GLYATL2: variants seen among roughly 807,000 people sequenced by gnomAD.
GLYATL2 encodes the protein glycine-N-acyltransferase like 2.
A neutral mutation model predicts 21.4 loss-of-function variants in GLYATL2; 25 were observed. That is an observed-to-expected ratio of 1.17 (90% confidence interval 0.85 to 1.63). The LOEUF (loss-of-function observed/expected upper bound fraction) is 1.63, where lower values mean the gene tolerates loss of function less well. GLYATL2 is among the 40% of genes most tolerant of loss of function. The probability of loss-of-function intolerance (pLI) is 0.00; values close to 1 mark genes in which losing one functional copy is unlikely to be tolerated. For missense variants in GLYATL2, 361 were observed against 343.3 expected, an observed-to-expected ratio of 1.05 and a Z score of -0.41; for synonymous variants, 114 against 118.2, an observed-to-expected ratio of 0.96 and a Z score of 0.23.
intron 1 of GLYATL2, among the ~76,000 whole-genome samples, chr11:58,880,046 G>A (rs1854305429): frequency 6.6e-6 from 1 of 151,964 alleles, no homozygotes; most frequent in African/African-American, 2.4e-5. Flanking sequence ...TTTTAGTAGA[G>A]ACGGGGTTTC....
At chr11:58,873,586 GT>G (rs1262091691) in intron 1 of GLYATL2, among the ~76,000 whole-genome samples, 1 of 152,102 alleles carries the variant, frequency 6.6e-6, no homozygotes, top group African/African-American at 2.4e-5. Flanking sequence ...ACTGGATTAC[GT>G]TTATTGATTT....
At chr11:58,905,851 T>C (rs1431815519), upstream of GLYATL2, among the ~76,000 whole-genome samples, 2 of 152,352 alleles carry the variant, frequency 1.3e-5, no homozygotes, top group East Asian at 3.9e-4. Context: ...TCAATCACTG[T>C]CTGGAGTGAT....
At chr11:58,843,172 A>T (rs1034117303) in intron 1 of GLYATL2, among the ~76,000 whole-genome samples, 2 of 152,192 alleles carry the variant, frequency 1.3e-5, no homozygotes, top group Non-Finnish European at 2.9e-5. Context: ...AGGGTTAGAA[A>T]AAAAGAGCAG....
intron 1 of GLYATL2, chr11:58,893,183 T>C (rs1350600144): frequency 5.6e-6 from 2 of 354,104 alleles, no homozygotes; most frequent in Non-Finnish European, 1.1e-5. Context: ...GCCTGTATCC[T>C]GGGTCCACAG....
At chr11:58,901,111 G>C (rs1177767077) in intron 1 of GLYATL2, among the ~76,000 whole-genome samples, 1 of 152,206 alleles carries the variant, frequency 6.6e-6, no homozygotes, top group Non-Finnish European at 1.5e-5. Flanking sequence ...AAAGGGGGCT[G>C]CCTGCGCGGA....
intron 5 of GLYATL2, 44 bp from the exon 6 acceptor site, chr11:58,834,881 A>C (rs1853400863): frequency 7.0e-7 from 1 of 1,423,612 alleles, no homozygotes. Flanking sequence ...CAATATTACC[A>C]AACACTGGAA....
chr11:58,879,159 T>C (rs1854288972), intron 1 of GLYATL2, among the ~76,000 whole-genome samples: 1 of 117,190 alleles, frequency 8.5e-6, no homozygotes, highest in African/African-American at 3.4e-5. Context: ...CATCTTTAAC[T>C]ATGGTTCCAG....
rs1853381537 is a variant in GLYATL2, at chr11:58,834,168, C to T, written c.*261G>A. 3.2e-6 allele frequency: 1 copy of T among 312,366 alleles called. No individual in the cohort carries two copies. Among genetic ancestry groups the T allele is most frequent in the African/African-American group, 2.1e-5 (1 of 46,710 alleles). The allele number at this position is 312,366 out of a possible 1,614,324, so 19.3% of individuals were successfully genotyped here. A position where few individuals can be genotyped will look rare whatever the true frequency, so the allele number is the denominator to read the frequency against. The stretch of plus-strand genomic sequence containing the variant: ...GAAAGTGTTGCCGTTAAAGGGTTAT[C>T]TTGGCACTAATGATTGGCTTTGGGT... On this transcript the variant is annotated 3_prime_UTR_variant, in exon 6 of 6. Transcript: ENST00000287275.
At chr11:58,837,689 A>C (rs1853464650) in intron 3 of GLYATL2, among the ~76,000 whole-genome samples, 1 of 152,200 alleles carries the variant, frequency 6.6e-6, no homozygotes, top group Non-Finnish European at 1.5e-5. Context: ...TTAAAAGTGA[A>C]GGTGCCTAAG....
At chr11:58,861,995 C>T (rs1164457564) in intron 1 of GLYATL2, among the ~76,000 whole-genome samples, 3 of 152,050 alleles carry the variant, frequency 2.0e-5, no homozygotes, top group South Asian at 4.1e-4. Context: ...GATAAACTCC[C>T]TCAATTTTTG....
intron 1 of GLYATL2, among the ~76,000 whole-genome samples, chr11:58,882,391 G>T (rs1172270357): frequency 6.6e-6 from 1 of 152,160 alleles, no homozygotes; most frequent in Non-Finnish European, 1.5e-5. Flanking sequence ...TTTGAGAAGT[G>T]TCTGTTCATA....
chr11:58,903,848 G>T (rs1024910485), intron 1 of GLYATL2, among the ~76,000 whole-genome samples: 10 of 152,130 alleles, frequency 6.6e-5, no homozygotes, highest in African/African-American at 2.4e-4. Context: ...TCACCCGCAT[G>T]TGTTGAGTGT....
upstream of GLYATL2, among the ~76,000 whole-genome samples, chr11:58,849,380 A>G (rs1245623226): frequency 6.6e-6 from 1 of 152,172 alleles, no homozygotes; most frequent in Non-Finnish European, 1.5e-5. Context: ...TTGGCCTCCC[A>G]AAGTGCTAGG....
At chr11:58,868,333 C>T (rs946621242) in intron 1 of GLYATL2, among the ~76,000 whole-genome samples, 4 of 148,684 alleles carry the variant, frequency 2.7e-5, no homozygotes, top group South Asian at 2.2e-4. Flanking sequence ...ATCAAAGAAT[C>T]GAAACTCACC....
At chr11:58,843,746 A>G (rs549754832) in intron 1 of GLYATL2, among the ~76,000 whole-genome samples, 1 of 152,276 alleles carries the variant, frequency 6.6e-6, no homozygotes, top group South Asian at 2.1e-4. Context: ...TAAAAATAGG[A>G]GATTGGGATC....
chr11:58,880,957 A>G lies in GLYATL2; in HGVS notation n.60+23199T>C, dbSNP rs574884891. Among the ~76,000 whole-genome samples the G allele has an allele frequency of 2.0e-5, 3 of 152,316 alleles. No homozygotes were observed. In the East Asian group the frequency reaches 5.8e-4, roughly 29 times the overall value. On this transcript the variant is annotated intron_variant and non_coding_transcript_variant, in intron 1 of 4. Coordinates refer to the GLYATL2 transcript ENST00000533636. ...AAGATAAAAAATTTCAAACATCTGT[A>G]TTAACTAATTTGCTAATGATTGTTT...
chr11:58,871,236 T>C (rs992675170), intron 1 of GLYATL2, among the ~76,000 whole-genome samples: 4 of 152,104 alleles, frequency 2.6e-5, no homozygotes, highest in Non-Finnish European at 5.9e-5. Flanking sequence ...AATATAAATT[T>C]ATTAGTCATT....
At chr11:58,891,166 A>AATT (rs1854537254) in intron 1 of GLYATL2, among the ~76,000 whole-genome samples, 1 of 152,160 alleles carries the variant, frequency 6.6e-6, no homozygotes, top group Non-Finnish European at 1.5e-5. Context: ...GTTTCTTTAA[A>AATT]ATTAGTTACA....
intron 1 of GLYATL2, among the ~76,000 whole-genome samples, chr11:58,850,580 CGA>C (rs1165198889): frequency 1.3e-5 from 2 of 152,066 alleles, no homozygotes; most frequent in African/African-American, 4.8e-5. Context: ...GACCAGAAGA[CGA>C]GAGTGTGAGC....
Sources: allele counts gnomAD v4.1 joint callset (sites outside exome capture counted in the v4.1 genomes callset), GRCh38; gene constraint gnomAD v4.1.1; transcripts MANE v1.5; gene names NCBI Gene and HGNC (gene_info 2026-07-23, HGNC 2026-07-21).